The following RIT2 variants were observed in gnomAD, a reference collection of about 807,000 sequenced individuals.
RIT2 encodes the protein GTP-binding protein Rit2.
RIT2 carries 24 observed loss-of-function variants against 23.7 expected under a neutral mutation model. The observed-to-expected ratio is 1.01, with a 90% CI of 0.73 to 1.43. The LOEUF is 1.43. Among genes scored for constraint, RIT2 ranks in the 40% most tolerant of loss-of-function variants. The pLI is 0.00. For synonymous variants in RIT2, 107 were observed against 91.1 expected (o/e 1.17, Z -0.99); for missense variants, 236 against 266.9 (o/e 0.88, Z 0.81).
chr18:42,876,315 T>C (rs1186170870), intron 4 of RIT2, among the ~76,000 whole-genome samples: 1 of 151,694 alleles, frequency 6.6e-6, no homozygotes, highest in East Asian at 1.9e-4. Context: ...TCGTACATTC[T>C]GAAACCAAAC....
intron 1 of RIT2, among the ~76,000 whole-genome samples, chr18:43,095,418 C>T (rs548972347): frequency 4.0e-5 from 6 of 151,386 alleles, no homozygotes; most frequent in South Asian, 4.1e-4. Context: ...TAAAAAATGA[C>T]GAGTTGATGG....
At position 42,811,401 on chromosome 18, in the gene RIT2, C is replaced by T. The variant is rs143923072; in HGVS notation, c.427-67681G>A. Among the ~76,000 whole-genome samples, 1,083 of 152,122 alleles carry T rather than the reference C, an allele frequency of 7.1e-3. 5 individuals carry two copies. The highest frequency in any genetic ancestry group is 8.4e-3 in the Non-Finnish European group (571 of 67,920). On this transcript the variant is annotated intron_variant, in intron 4 of 4. Coordinates refer to ENST00000326695, the MANE Select transcript of RIT2 (RefSeq NM_002930.4). ...AGGGCCACAGCCAGAAAACAAAGGA[C>T]TACACTAGTGTTGAATGGTTTTACA... is the stretch of plus-strand genomic sequence containing the variant.
intron 4 of RIT2, among the ~76,000 whole-genome samples, chr18:42,889,779 A>T (rs1325485361): frequency 6.6e-6 from 1 of 152,124 alleles, no homozygotes; most frequent in African/African-American, 2.4e-5. Context: ...CATGTAACAT[A>T]AGCAGACATG....
At chr18:42,864,782 A>C (rs1907424201) in intron 4 of RIT2, among the ~76,000 whole-genome samples, 1 of 152,186 alleles carries the variant, frequency 6.6e-6, no homozygotes. Flanking sequence ...AACAATTTTC[A>C]GTCCTCCACT....
At chr18:43,038,083 T>C (rs543122423) in intron 1 of RIT2, among the ~76,000 whole-genome samples, 1 of 151,566 alleles carries the variant, frequency 6.6e-6, no homozygotes, top group African/African-American at 2.4e-5. Context: ...TGGGTGCCTG[T>C]AATCCTAGCT....
intron 1 of RIT2, among the ~76,000 whole-genome samples, chr18:43,083,784 G>A (rs1913215239): frequency 6.6e-6 from 1 of 152,044 alleles, no homozygotes; most frequent in African/African-American, 2.4e-5. Flanking sequence ...AAAAACCCTA[G>A]AGGAAAACCT....
chr18:42,841,442 G>C (rs943016511), intron 4 of RIT2, among the ~76,000 whole-genome samples: 4 of 152,016 alleles, frequency 2.6e-5, no homozygotes, highest in Non-Finnish European at 5.9e-5. Flanking sequence ...GATAAATTTA[G>C]GTGAAATTCA....
At chr18:42,945,658 C>G (rs1909711177) in intron 3 of RIT2, among the ~76,000 whole-genome samples, 1 of 152,048 alleles carries the variant, frequency 6.6e-6, no homozygotes, top group East Asian at 1.9e-4. Flanking sequence ...TCATTTTGTA[C>G]TGGGTGTGGT....
intron 1 of RIT2, among the ~76,000 whole-genome samples, chr18:43,105,292 A>T: frequency 6.6e-6 from 1 of 152,280 alleles, no homozygotes; most frequent in South Asian, 2.1e-4. Flanking sequence ...CTAGAGAGCA[A>T]GAACAAGAAT....
intron 1 of RIT2, among the ~76,000 whole-genome samples, chr18:43,062,494 T>C (rs1912671233): frequency 6.6e-6 from 1 of 152,188 alleles, no homozygotes; most frequent in Admixed American, 6.6e-5. Flanking sequence ...ATATGAATTA[T>C]GAATCTTAAT....
intron 2 of RIT2, among the ~76,000 whole-genome samples, chr18:43,024,664 T>C (rs935760123): frequency 2.6e-5 from 4 of 151,946 alleles, no homozygotes; most frequent in Non-Finnish European, 5.9e-5. Flanking sequence ...AAACTATGCT[T>C]CCAACAAAGG....
intron 4 of RIT2, among the ~76,000 whole-genome samples, chr18:42,913,600 G>C (rs896892400): frequency 1.3e-5 from 2 of 151,906 alleles, no homozygotes; most frequent in East Asian, 3.9e-4. Context: ...TATCTTAGGC[G>C]AAATAAGCCA....
At chr18:42,858,009 T>C (rs61111721) in intron 4 of RIT2, among the ~76,000 whole-genome samples, 19,455 of 152,028 alleles carry the variant, frequency 0.13, 1,291 homozygotes, top group Middle Eastern at 0.26. Flanking sequence ...GGCGAAACCC[T>C]GTCTCTACTA....
intron 2 of RIT2, among the ~76,000 whole-genome samples, chr18:43,018,679 C>T (rs913173788): frequency 4.0e-5 from 6 of 151,800 alleles, no homozygotes; most frequent in Non-Finnish European, 5.9e-5. Context: ...AAAAAACCTG[C>T]CAGCCAATAA....
Position 43,115,481 on chromosome 18 carries a change from G to A in RIT2, c.39C>T (p.Ser13=), listed in dbSNP as rs1914046822. 11 of 1,613,220 alleles carry A rather than the reference G, an allele frequency of 6.8e-6. No individual in the cohort carries two copies. The highest frequency in any genetic ancestry group is 2.2e-5 in the East Asian group (1 of 44,784). Residue 13 remains serine, a synonymous_variant, in exon 1 of 5, where the codon AGC becomes AGT. Transcript: ENST00000326695. Reference sequence around the variant, plus strand: ...TGTACTCTCTGGACCCGCCTGATGCGCTGCCCGGGGAGCAGCTGGCTTCAT... The same window carrying A: ...TGTACTCTCTGGACCCGCCTGATGCACTGCCCGGGGAGCAGCTGGCTTCAT... ...VENEASCSPG[S]ASGGSREYKV...
intron 4 of RIT2, among the ~76,000 whole-genome samples, chr18:42,804,561 T>TAACTAAA: frequency 1.9e-5 from 1 of 52,854 alleles, no homozygotes; most frequent in East Asian, 4.1e-4. Context: ...GCCTCAAAAC[T>TAACTAAA]AAAAAAAAAA....
At chr18:42,890,348 A>G (rs1415229416) in intron 4 of RIT2, among the ~76,000 whole-genome samples, 1 of 152,108 alleles carries the variant, frequency 6.6e-6, no homozygotes, top group Non-Finnish European at 1.5e-5. Flanking sequence ...TATACCCAAC[A>G]ATGAGAATTT....
chr18:42,881,914 C>T lies in RIT2; in HGVS notation c.426+41658G>A, dbSNP rs111877162. ...ATGCCTGTGTTACATTTTTACTTGTCATCTCAGGCATACAGGCGGATCACT... is the reference window on the plus strand; with the variant it reads ...ATGCCTGTGTTACATTTTTACTTGTTATCTCAGGCATACAGGCGGATCACT... On this transcript the variant is annotated intron_variant, in intron 4 of 4. Coordinates refer to ENST00000326695, the MANE Select transcript of RIT2 (RefSeq NM_002930.4). 3.0e-3 allele frequency among the ~76,000 whole-genome samples: 457 copies of T among 152,290 alleles called. 1 individual carries two copies. The highest frequency in any genetic ancestry group is 4.9e-3 in the Non-Finnish European group (333 of 68,012).
intron 1 of RIT2, among the ~76,000 whole-genome samples, chr18:43,038,027 A>AC (rs1912022061): frequency 6.6e-6 from 1 of 151,616 alleles, no homozygotes; most frequent in African/African-American, 2.4e-5. Context: ...ACATGGTGAA[A>AC]CCCCATCTTT....
Sources: allele counts gnomAD v4.1 joint callset (sites outside exome capture counted in the v4.1 genomes callset), GRCh38; gene constraint gnomAD v4.1.1; transcripts MANE v1.5; gene names NCBI Gene and HGNC (gene_info 2026-07-23, HGNC 2026-07-21).